The following LIPI variants were observed in gnomAD, a reference collection of about 807,000 sequenced individuals.
The protein encoded by LIPI is lipase member I.
Under a neutral mutation model 50.6 loss-of-function variants are expected in LIPI, and 59 were observed. The observed-to-expected ratio is 1.16, with a 90% CI of 0.94 to 1.45. The LOEUF (loss-of-function observed/expected upper bound fraction) is 1.45. Ranked by LOEUF, LIPI falls within the 40% of genes most tolerant of loss-of-function variation. The pLI is 0.00. For synonymous variants in LIPI, 203 were observed against 178.2 expected (o/e 1.14, Z -1.11); for missense variants, 586 against 536.3 (o/e 1.09, Z -0.92).
intron 3 of LIPI, among the ~76,000 whole-genome samples, chr21:14,183,824 C>T (rs8127753): frequency 0.25 from 38,118 of 152,016 alleles, 5,115 homozygotes; most frequent in Middle Eastern, 0.34. Flanking sequence ...AGTCAGGAAA[C>T]AATAGGTGCT....
At chr21:14,150,877 A>G (rs2018065893) in intron 8 of LIPI, among the ~76,000 whole-genome samples, 1 of 152,178 alleles carries the variant, frequency 6.6e-6, no homozygotes, top group African/African-American at 2.4e-5. Context: ...AGGTTAGTTT[A>G]AAAAGGGAAA....
intron 1 of LIPI, among the ~76,000 whole-genome samples, chr21:14,197,628 A>G (rs951212928): frequency 1.3e-5 from 2 of 152,164 alleles, no homozygotes; most frequent in Admixed American, 1.3e-4. Flanking sequence ...AAAGATACCA[A>G]ATAAATCTAT....
At chr21:14,164,455 G>A (rs890711142) in intron 6 of LIPI, among the ~76,000 whole-genome samples, 2 of 152,134 alleles carry the variant, frequency 1.3e-5, no homozygotes, top group South Asian at 4.1e-4. Context: ...TGTTCTCAGT[G>A]TGTGCTGATC....
At position 14,144,709 on chromosome 21, in the gene LIPI, T is replaced by A. The variant is rs532653461; in HGVS notation, c.1209A>T (p.Thr403=). The change falls in exon 9 of 10, where the codon ACA becomes ACT. Residue 403 remains threonine, a synonymous_variant. Transcript: ENST00000681601. ...ACTGCAGATTTGAGCTCTGGAAATATGTCAAACCAATGCTTGAAATATTTA... is the reference window on the plus strand; with the variant it reads ...ACTGCAGATTTGAGCTCTGGAAATAAGTCAAACCAATGCTTGAAATATTTA... ...DFVNISSIGL[T]YFQSSNLQCS... The A allele has an allele frequency of 6.4e-7, 1 of 1,574,176 alleles. No homozygotes were observed. Among genetic ancestry groups the A allele is most frequent in the South Asian group, 1.1e-5 (1 of 90,226 alleles).
At chr21:14,196,605 T>A (rs764578188) in intron 1 of LIPI, among the ~76,000 whole-genome samples, 1 of 152,084 alleles carries the variant, frequency 6.6e-6, no homozygotes, top group Non-Finnish European at 1.5e-5. Context: ...GGCAGGAGAA[T>A]AGCTGGAGGC....
At chr21:14,175,276 A>G (rs2123214117) in intron 4 of LIPI, among the ~76,000 whole-genome samples, 1 of 152,300 alleles carries the variant, frequency 6.6e-6, no homozygotes, top group East Asian at 1.9e-4. Flanking sequence ...ATCTTTGCCA[A>G]TAAATGGTCT....
rs2020346214 is a variant in LIPI, at chr21:14,210,883, C to T, written c.-38G>A. ...AAAAGCAAAAACAGCACTCAATTCA[C>T]CAAAAAGGAAATTCCGTAACTCATT... On this transcript the variant is annotated 5_prime_UTR_variant, in exon 1 of 10. The change creates a new upstream start codon in the 5' untranslated region. Coordinates refer to ENST00000681601, the MANE Select transcript of LIPI (RefSeq NM_001302998.2). The T allele has an allele frequency of 1.7e-6, 2 of 1,196,520 alleles. No individual in the cohort carries two copies. Among genetic ancestry groups the T allele is most frequent in the Non-Finnish European group, 2.1e-6 (2 of 948,690 alleles). The allele number at this position is 1,196,520 out of a possible 1,614,324, so 74.1% of individuals were successfully genotyped here. A position where few individuals can be genotyped will look rare whatever the true frequency, so the allele number is the denominator to read the frequency against.
rs557036612 is a variant in LIPI, at chr21:14,152,860, C to T, written c.1007-176G>A. On this transcript the variant is annotated intron_variant, in intron 7 of 9. Transcript: ENST00000681601. ...TTGGTAAATGGGTAATATATTTTAC[C>T]TTTTGTTTGTCAATTTTTGACTACT... Among the ~76,000 whole-genome samples the T allele has an allele frequency of 1.2e-4, 18 of 151,878 alleles. No homozygotes were observed. In the South Asian group the frequency reaches 3.1e-3, roughly 26 times the overall value.
intron 9 of LIPI, among the ~76,000 whole-genome samples, chr21:14,124,807 A>G (rs1165853638): frequency 6.6e-6 from 1 of 152,198 alleles, no homozygotes; most frequent in East Asian, 1.9e-4. Context: ...TTGTCCTGCA[A>G]CAGTGAAACC....
At chr21:14,171,390 AAG>A (rs1002902065) in intron 4 of LIPI, among the ~76,000 whole-genome samples, 1 of 150,698 alleles carries the variant, frequency 6.6e-6, no homozygotes, top group Non-Finnish European at 1.5e-5. Context: ...GGAACCAAAA[AAG>A]AGCCCGCATC....
chr21:14,185,882 CAAA>C, intron 3 of LIPI, 76 bp downstream of exon 3: 8 of 718,650 alleles, frequency 1.1e-5, no homozygotes, highest in South Asian at 1.6e-5. Flanking sequence ...GACTCTGTCT[CAAA>C]AAAAAAAAAA....
chr21:14,162,408 A>T (rs2018530664), intron 7 of LIPI, among the ~76,000 whole-genome samples: 1 of 151,778 alleles, frequency 6.6e-6, no homozygotes, highest in African/African-American at 2.4e-5. Flanking sequence ...AGAGCCCTAT[A>T]AATATGACTA....
intron 9 of LIPI, among the ~76,000 whole-genome samples, chr21:14,114,378 C>T (rs1366493256): frequency 1.3e-5 from 2 of 152,078 alleles, no homozygotes; most frequent in Admixed American, 6.5e-5. Flanking sequence ...TCCAGTGGCT[C>T]TAACAAAACA....
At chr21:14,127,753 G>A (rs1227352573) in intron 9 of LIPI, among the ~76,000 whole-genome samples, 2 of 152,074 alleles carry the variant, frequency 1.3e-5, no homozygotes, top group Admixed American at 6.5e-5. Flanking sequence ...ATGGTTGTGT[G>A]CTCACCAACA....
intron 1 of LIPI, among the ~76,000 whole-genome samples, chr21:14,193,288 A>T (rs906547702): frequency 1.3e-4 from 20 of 152,142 alleles, no homozygotes; most frequent in African/African-American, 4.8e-4. Context: ...TGCTACCAAA[A>T]AAATCAATTA....
intron 3 of LIPI, among the ~76,000 whole-genome samples, chr21:14,183,384 T>C (rs1309845696): frequency 3.3e-5 from 5 of 152,014 alleles, no homozygotes; most frequent in South Asian, 2.1e-4. Context: ...AGAAGAAAAC[T>C]TAGGCAATAC....
intron 9 of LIPI, among the ~76,000 whole-genome samples, chr21:14,122,078 A>G (rs1218381245): frequency 1.3e-5 from 2 of 152,212 alleles, no homozygotes; most frequent in Non-Finnish European, 1.5e-5. Flanking sequence ...ATTGCTATCA[A>G]ACTTGTTGCC....
chr21:14,119,239 G>A (rs2403729), intron 9 of LIPI, among the ~76,000 whole-genome samples: 19,467 of 152,130 alleles, frequency 0.13, 1,638 homozygotes, highest in East Asian at 0.41. Context: ...TCCACCTAGC[G>A]ACCCATGTAT....
chr21:14,194,315 G>T (rs960911672), intron 1 of LIPI, among the ~76,000 whole-genome samples: 2 of 152,048 alleles, frequency 1.3e-5, no homozygotes, highest in Admixed American at 1.3e-4. Flanking sequence ...ACACCCAAAA[G>T]AATTGAAAAC....
Sources: gnomAD v4.1 joint callset for allele counts (sites outside exome capture counted in the v4.1 genomes callset) on GRCh38, gnomAD v4.1.1 for gene constraint, MANE v1.5 for transcripts, NCBI Gene and HGNC (gene_info 2026-07-23, HGNC 2026-07-21) for gene names.